NT5DC3: variants seen among roughly 807,000 people sequenced by gnomAD.
The protein encoded by NT5DC3 is 5'-nucleotidase domain-containing protein 3.
NT5DC3 carries 42 observed loss-of-function variants against 67.8 expected under a neutral mutation model. The ratio of observed to expected loss-of-function variants is 0.62; its 90% CI spans 0.48 to 0.80. The LOEUF (loss-of-function observed/expected upper bound fraction) is 0.80, where lower values mean the gene tolerates loss of function less well. NT5DC3 is among the 30% of genes least tolerant of loss of function. The probability of loss-of-function intolerance (pLI) is 0.00; values close to 1 mark genes in which losing one functional copy is unlikely to be tolerated. For synonymous variants in NT5DC3, 237 were observed against 255.6 expected (o/e 0.93, Z 0.69); for missense variants, 570 against 696.4 (o/e 0.82, Z 2.04).
chr12:103,778,151 T>C, intron 13 of NT5DC3, 70 bp from the exon 14 acceptor site: 1 of 1,406,532 alleles, frequency 7.1e-7, no homozygotes, highest in South Asian at 1.4e-5. Flanking sequence ...ACTACTGAAA[T>C]CAAAATCACT....
Position 103,796,969 on chromosome 12 carries a change from G to A in NT5DC3, c.678C>T (p.Leu226=). ...GGAAGTATTCATTCACGCAGGACAG[G>A]AGGGTCATCTCGGGCAGGGAGAAGA... ...MDIFSLPEMT[L]LSCVNEYFLK... is the part of the protein sequence containing the mutation. Residue 226 remains leucine (L), a synonymous_variant, in exon 6 of 14, where the codon CTC becomes CTT. Transcript: ENST00000392876. 6.2e-7 allele frequency: 1 copy of A among 1,614,136 alleles called. No homozygotes were observed. The highest frequency in any genetic ancestry group is 8.5e-7 in the Non-Finnish European group (1 of 1,179,986).
intron 2 of NT5DC3, among the ~76,000 whole-genome samples, chr12:103,814,081 A>C (rs1174211441): frequency 6.6e-6 from 1 of 152,156 alleles, no homozygotes; most frequent in Non-Finnish European, 1.5e-5. Flanking sequence ...TGCATAACTG[A>C]TCTACCCACG....
At chr12:103,747,995 C>CAAAA in the NT5DC3 span, among the ~76,000 whole-genome samples, 1 of 96,762 alleles carries the variant, frequency 1.0e-5, no homozygotes, top group African/African-American at 3.8e-5. Flanking sequence ...ACTCTGTCTC[C>CAAAA]AAAAAAAAAA....
At chr12:103,831,647 G>T (rs1025904111) in intron 1 of NT5DC3, among the ~76,000 whole-genome samples, 1 of 151,720 alleles carries the variant, frequency 6.6e-6, no homozygotes, top group Non-Finnish European at 1.5e-5. Flanking sequence ...GTCTCCAACA[G>T]TGTGTGTGTG....
chr12:103,754,595 G>T, the NT5DC3 span, among the ~76,000 whole-genome samples: 5 of 152,134 alleles, frequency 3.3e-5, no homozygotes, highest in African/African-American at 7.2e-5. Flanking sequence ...TGGTGGTGAT[G>T]ATGGGGAGGA....
the NT5DC3 span, among the ~76,000 whole-genome samples, chr12:103,762,588 A>G: frequency 9.5e-3 from 1,444 of 152,258 alleles, 26 homozygotes; most frequent in African/African-American, 0.033. Context: ...TCTTAAGAGG[A>G]ACAGCAGTGG....
intron 1 of NT5DC3, among the ~76,000 whole-genome samples, chr12:103,829,595 T>C (rs1252051458): frequency 2.6e-5 from 4 of 152,260 alleles, no homozygotes; most frequent in Non-Finnish European, 5.9e-5. Flanking sequence ...ATCTGTCTTT[T>C]AATCTGAGTT....
In NT5DC3 at chr12:103,832,159, A is replaced by T. The variant is rs552987143; in HGVS notation, c.208+8790T>A. Among the ~76,000 whole-genome samples the T allele has an allele frequency of 1.8e-3, 271 of 150,506 alleles. 2 individuals carry two copies. The highest frequency in any genetic ancestry group is 6.1e-3 in the African/African-American group (249 of 40,952). On this transcript the variant is annotated intron_variant, in intron 1 of 13. Coordinates refer to ENST00000392876, the MANE Select transcript of NT5DC3 (RefSeq NM_001031701.3). ...ATGACTTCAAGAGAAAGTCCTCTAT[A>T]TTTTTTTTCAGCGTGTGGGTATTCT...
intron 9 of NT5DC3, among the ~76,000 whole-genome samples, chr12:103,791,153 C>T (rs1886039932): frequency 6.6e-6 from 1 of 152,154 alleles, no homozygotes; most frequent in African/African-American, 2.4e-5. Context: ...TTACCCTAGG[C>T]TTCAAGAACA....
At chr12:103,765,395 G>C in the NT5DC3 span, among the ~76,000 whole-genome samples, 1 of 152,316 alleles carries the variant, frequency 6.6e-6, no homozygotes, top group South Asian at 2.1e-4. Context: ...AGCTTACAAA[G>C]TGACGTGCTA....
At chr12:103,808,980 T>C (rs139554437) in intron 2 of NT5DC3, among the ~76,000 whole-genome samples, 63 of 152,342 alleles carry the variant, frequency 4.1e-4, no homozygotes, top group African/African-American at 1.5e-3. Context: ...AAGCCTATTT[T>C]ACTATTGAAT....
intron 4 of NT5DC3, among the ~76,000 whole-genome samples, chr12:103,804,320 A>T (rs752868646): frequency 4.6e-5 from 7 of 152,206 alleles, no homozygotes; most frequent in Non-Finnish European, 1.0e-4. Flanking sequence ...CTTAACACTG[A>T]TAACAGAGGC....
rs1237561558 is a variant in NT5DC3 at position 103,796,945 on chromosome 12, G to A, written c.702C>T (p.Phe234=). ...MTLLSCVNEY[F]LKNNIDYEPV... Reference sequence around the variant, plus strand: ...GCTCATAGTCGATGTTGTTCTTGAGGAAGTATTCATTCACGCAGGACAGGA... The same window carrying A: ...GCTCATAGTCGATGTTGTTCTTGAGAAAGTATTCATTCACGCAGGACAGGA... The change falls in exon 6 of 14, where the codon TTC becomes TTT. Residue 234 remains phenylalanine, a synonymous_variant. Transcript: ENST00000392876. The A allele has an allele frequency of 6.2e-7, 1 of 1,614,126 alleles. No homozygotes were observed. Among genetic ancestry groups the A allele is most frequent in the Non-Finnish European group, 8.5e-7 (1 of 1,179,996 alleles).
the NT5DC3 span, among the ~76,000 whole-genome samples, chr12:103,753,894 G>A: frequency 3.9e-5 from 6 of 152,298 alleles, no homozygotes; most frequent in East Asian, 1.2e-3. Flanking sequence ...TGGCTGGAGG[G>A]ACTGTGAAAA....
chr12:103,772,101 C>CA (rs1349133306), downstream of NT5DC3, among the ~76,000 whole-genome samples: 1 of 151,908 alleles, frequency 6.6e-6, no homozygotes, highest in Non-Finnish European at 1.5e-5. Context: ...GAGCTTTCCC[C>CA]AAAAAAGGTT....
intron 6 of NT5DC3, 22 bp from the exon 7 acceptor site, chr12:103,794,019 A>G (rs1886188581): frequency 1.3e-6 from 2 of 1,596,188 alleles, no homozygotes; most frequent in African/African-American, 1.3e-5. Flanking sequence ...TACATTTTTA[A>G]TCAGCGAAAA....
At chr12:103,794,698 G>A (rs11111782) in intron 6 of NT5DC3, among the ~76,000 whole-genome samples, 55,958 of 152,106 alleles carry the variant, frequency 0.37, 11,383 homozygotes, top group East Asian at 0.88. Flanking sequence ...AGACCCCAAC[G>A]GCAAATTCTA....
Position 103,793,170 on chromosome 12 carries a change from T to G in NT5DC3, c.1013A>C (p.Lys338Thr). The change falls in exon 9 of 14, where the codon AAG becomes ACG. Residue 338 changes from lysine (K) to threonine (T), a missense_variant. By Grantham distance (78) the Lys-to-Thr change is moderately conservative. This residue lies in a region of NT5DC3 where 466 missense variants were observed against 608.0 expected (regional missense o/e 0.77). Coordinates refer to ENST00000392876, the MANE Select transcript of NT5DC3 (RefSeq NM_001031701.3). ...QAEKPNFFND[K>T]RRPFRKMNEK... ...TAGAAAAATAAACACTCACCTCCGC[T>G]TATCATTAAAGAAGTTTGGCTTCTC... The G allele has an allele frequency of 1.3e-6, 2 of 1,597,382 alleles. No homozygotes were observed. The highest frequency in any genetic ancestry group is 1.7e-6 in the Non-Finnish European group (2 of 1,171,950).
chr12:103,793,530 A>G lies in NT5DC3; in HGVS notation c.815-18T>C. On this transcript the variant is annotated intron_variant, in intron 7 of 13. Transcript: ENST00000392876. ...GTACTTTTCTAAGAGCAAGAGAAAA[A>G]TTCACACACAGATTCAGCATGATAT... 1 of 1,549,810 alleles carries G rather than the reference A, an allele frequency of 6.5e-7. No homozygotes were observed. The highest frequency in any genetic ancestry group is 8.9e-7 in the Non-Finnish European group (1 of 1,123,080).
Sources: allele counts gnomAD v4.1 joint callset (sites outside exome capture counted in the v4.1 genomes callset), GRCh38; gene constraint gnomAD v4.1.1; regional missense constraint gnomAD v4.1.1; transcripts MANE v1.5; gene names NCBI Gene and HGNC (gene_info 2026-07-23, HGNC 2026-07-21).